Variants in KIF13B observed in about 807,000 individuals in gnomAD.
KIF13B encodes the protein kinesin-like protein KIF13B.
Under a neutral mutation model 222.0 loss-of-function variants are expected in KIF13B, and 127 were observed. That is an observed-to-expected ratio of 0.57 (90% confidence interval 0.50 to 0.66). The LOEUF is 0.66. Among genes scored for constraint, KIF13B ranks in the 30% least tolerant of loss-of-function variants. The pLI, the probability that KIF13B is intolerant of heterozygous loss-of-function variation, is 0.00. For missense variants in KIF13B, 2,173 were observed against 2,379.0 expected (o/e 0.91, Z 1.80); for synonymous variants, 976 against 919.0 (o/e 1.06, Z -1.12).
At position 29,233,080 on chromosome 8, in the gene KIF13B, C is replaced by T. The variant is rs146145655; in HGVS notation, c.149+12266G>A. On this transcript the variant is annotated intron_variant, in intron 2 of 39. Coordinates refer to ENST00000524189, the MANE Select transcript of KIF13B (RefSeq NM_015254.4). ...CTGAGGCAGGAGAATCACTTGAACC[C>T]GAGAGGTGGAGGTTGCAGTGAGCAG... Among the ~76,000 whole-genome samples the T allele has an allele frequency of 7.6e-3, 1,155 of 152,240 alleles. 22 individuals carry two copies. Among genetic ancestry groups the T allele is most frequent in the African/African-American group, 0.027 (1,114 of 41,538 alleles).
chr8:29,243,235 T>C (rs1361561054), intron 2 of KIF13B, among the ~76,000 whole-genome samples: 1 of 151,088 alleles, frequency 6.6e-6, no homozygotes, highest in Non-Finnish European at 1.5e-5. Context: ...CAATCCCAGC[T>C]ACTAGGGAGG....
intron 2 of KIF13B, among the ~76,000 whole-genome samples, chr8:29,229,593 A>C (rs1209129311): frequency 1.3e-5 from 2 of 152,228 alleles, no homozygotes; most frequent in African/African-American, 4.8e-5. Flanking sequence ...TGTATTTCCA[A>C]GAATGCTGTG....
Position 29,092,896 on chromosome 8 carries a change from G to GA in KIF13B, c.4325-19dup. The GA allele has an allele frequency of 6.3e-7, 1 of 1,585,856 alleles. No homozygotes were observed. Among genetic ancestry groups the GA allele is most frequent in the Non-Finnish European group, 8.6e-7 (1 of 1,165,842 alleles). On this transcript the variant is annotated intron_variant, in intron 36 of 39. Coordinates refer to ENST00000524189, the MANE Select transcript of KIF13B (RefSeq NM_015254.4). ...ACTGAGTCCTGCCCATATTACAGGG[G>GA]AAAAAGATAAAACAAATACAATTAC...
intron 35 of KIF13B, among the ~76,000 whole-genome samples, chr8:29,103,010 A>C (rs753972581): frequency 5.0e-4 from 76 of 152,212 alleles, no homozygotes; most frequent in Non-Finnish European, 7.2e-4. Context: ...TGGGAAGCCA[A>C]GGCAGGCAGA....
intron 3 of KIF13B, among the ~76,000 whole-genome samples, chr8:29,192,729 A>G (rs1461908113): frequency 6.6e-6 from 1 of 152,226 alleles, no homozygotes; most frequent in African/African-American, 2.4e-5. Flanking sequence ...TGGTAAATTA[A>G]TAATGCATAC....
chr8:29,198,649 T>C (rs1322160653), intron 2 of KIF13B, among the ~76,000 whole-genome samples: 1 of 152,100 alleles, frequency 6.6e-6, no homozygotes, highest in African/African-American at 2.4e-5. Flanking sequence ...ACTTTAAAAG[T>C]AGATCAACCA....
chr8:29,200,374 C>T (rs1813639573), intron 2 of KIF13B, among the ~76,000 whole-genome samples: 1 of 152,230 alleles, frequency 6.6e-6, no homozygotes, highest in South Asian at 2.1e-4. Context: ...GCAAAAGCAG[C>T]TGCTGACCAA....
intron 4 of KIF13B, chr8:29,189,525 C>G (rs1813082183): frequency 6.6e-6 from 1 of 152,160 alleles, no homozygotes; most frequent in African/African-American, 2.4e-5. Flanking sequence ...GGGCTTGAGA[C>G]AGTCATCATT....
chr8:29,224,549 ACTG>A (rs1242440364), intron 2 of KIF13B, among the ~76,000 whole-genome samples: 4 of 152,248 alleles, frequency 2.6e-5, no homozygotes, highest in Non-Finnish European at 5.9e-5. Context: ...AGTCACAGGT[ACTG>A]CTAATACTAT....
In KIF13B at chr8:29,109,543, A is replaced by T. The variant is rs1809256232; in HGVS notation, c.4084-32T>A. 3 of 1,577,930 alleles carry T rather than the reference A, an allele frequency of 1.9e-6. No homozygotes were observed. The African/African-American group carries it at 4.0e-5, about 21-fold the overall frequency. On this transcript the variant is annotated intron_variant, in intron 33 of 39. Transcript: ENST00000524189. The stretch of plus-strand genomic sequence containing the variant: ...ATCAGAAAACATACAGAGGAAAAAG[A>T]CATGTAAGAGACACACTGCAAAAGC...
intron 24 of KIF13B, among the ~76,000 whole-genome samples, chr8:29,129,189 C>T (rs951110829): frequency 1.3e-5 from 2 of 152,170 alleles, no homozygotes; most frequent in Non-Finnish European, 2.9e-5. Flanking sequence ...TCTTTGAACA[C>T]TTTTAGTAAA....
chr8:29,143,091 T>A (rs905879975), intron 18 of KIF13B, among the ~76,000 whole-genome samples: 1 of 152,104 alleles, frequency 6.6e-6, no homozygotes, highest in Non-Finnish European at 1.5e-5. Context: ...TGGCCTCAAG[T>A]GATCCCCCTG....
At chr8:29,201,137 C>A (rs1813675632) in intron 2 of KIF13B, among the ~76,000 whole-genome samples, 1 of 152,218 alleles carries the variant, frequency 6.6e-6, no homozygotes. Flanking sequence ...TTGCCTGCAA[C>A]AATTACTATC....
chr8:29,191,206 C>A, intron 3 of KIF13B, 149 bp from the exon 4 acceptor site: 1 of 596,038 alleles, frequency 1.7e-6, no homozygotes, highest in Non-Finnish European at 2.9e-6. Flanking sequence ...ACAATGAGAA[C>A]TAAACATGCT....
At chr8:29,226,235 A>T (rs1815019027) in intron 2 of KIF13B, among the ~76,000 whole-genome samples, 2 of 152,018 alleles carry the variant, frequency 1.3e-5, no homozygotes, top group African/African-American at 4.8e-5. Flanking sequence ...AAGAGACCAT[A>T]AAAGTAATTT....
chr8:29,137,291 T>C (rs865823735), intron 21 of KIF13B, among the ~76,000 whole-genome samples: 5 of 152,224 alleles, frequency 3.3e-5, no homozygotes, highest in African/African-American at 1.2e-4. Flanking sequence ...GAATGAAGAC[T>C]GTCAGCCATA....
chr8:29,104,766 GAC>G (rs1176361779), intron 35 of KIF13B, among the ~76,000 whole-genome samples: 1 of 151,718 alleles, frequency 6.6e-6, no homozygotes, highest in Non-Finnish European at 1.5e-5. Flanking sequence ...TTTTTTTTGA[GAC>G]AGAGTCTCGC....
intron 2 of KIF13B, among the ~76,000 whole-genome samples, chr8:29,206,653 A>C (rs943518634): frequency 2.0e-5 from 3 of 152,206 alleles, no homozygotes; most frequent in Admixed American, 1.3e-4. Context: ...CATTCAGCAA[A>C]TATTTACAGT....
chr8:29,234,988 C>A (rs1391230700), intron 2 of KIF13B, among the ~76,000 whole-genome samples: 3 of 152,150 alleles, frequency 2.0e-5, no homozygotes, highest in Admixed American at 2.0e-4. Flanking sequence ...CAAAACATAT[C>A]TCTGGGTAAA....
Sources: gnomAD v4.1 joint callset for allele counts (sites outside exome capture counted in the v4.1 genomes callset) on GRCh38, gnomAD v4.1.1 for gene constraint, MANE v1.5 for transcripts, NCBI Gene and HGNC (gene_info 2026-07-23, HGNC 2026-07-21) for gene names.